The following KITLG variants were observed in gnomAD, a reference collection of about 807,000 sequenced individuals.
The protein encoded by KITLG is c-Kit ligand.
KITLG carries 13 observed loss-of-function variants against 34.1 expected under a neutral mutation model. The ratio of observed to expected loss-of-function variants is 0.38; its 90% CI spans 0.25 to 0.61. KITLG has a LOEUF of 0.61. KITLG is among the 20% of genes least tolerant of loss of function. KITLG has a pLI of 0.60. For missense variants in KITLG, 292 were observed against 318.9 expected (o/e 0.92, Z 0.64); for synonymous variants, 110 against 104.0 (o/e 1.06, Z -0.35).
At chr12:88,571,765 T>C (rs1360596339) in intron 1 of KITLG, among the ~76,000 whole-genome samples, 1 of 152,192 alleles carries the variant, frequency 6.6e-6, no homozygotes, top group Non-Finnish European at 1.5e-5. Context: ...TTTTTGAACA[T>C]CTGAGTTGCA....
intron 2 of KITLG, among the ~76,000 whole-genome samples, chr12:88,541,783 C>T (rs181640391): frequency 2.0e-5 from 3 of 152,066 alleles, no homozygotes; most frequent in East Asian, 1.9e-4. Context: ...CCACGGGGAC[C>T]GTGGGGGCAG....
intron 9 of KITLG, among the ~76,000 whole-genome samples, chr12:88,504,750 C>G (rs545729571): frequency 6.6e-6 from 1 of 152,274 alleles, no homozygotes; most frequent in South Asian, 2.1e-4. Context: ...TTGACCCAGG[C>G]ATCCCATTAC....
intron 2 of KITLG, among the ~76,000 whole-genome samples, chr12:88,533,649 G>A (rs763221245): frequency 5.9e-5 from 9 of 152,084 alleles, no homozygotes; most frequent in Non-Finnish European, 2.9e-5. Context: ...ATCTTCAAGG[G>A]TCTATCTTGC....
At chr12:88,503,860 AC>A (rs1197155629) in intron 9 of KITLG, among the ~76,000 whole-genome samples, 2 of 151,788 alleles carry the variant, frequency 1.3e-5, no homozygotes, top group African/African-American at 4.8e-5. Flanking sequence ...GGAAAATCTT[AC>A]TCTCCTGACT....
At chr12:88,568,975 C>G (rs1311529415) in intron 1 of KITLG, among the ~76,000 whole-genome samples, 9 of 152,066 alleles carry the variant, frequency 5.9e-5, no homozygotes. Context: ...GAGTCAAGAG[C>G]CAGAGGTAAA....
At chr12:88,573,963 T>C (rs972761530) in intron 1 of KITLG, among the ~76,000 whole-genome samples, 4 of 152,150 alleles carry the variant, frequency 2.6e-5, no homozygotes, top group South Asian at 2.1e-4. Flanking sequence ...AATTTACCCA[T>C]GTTCTAATCA....
chr12:88,503,582 G>T (rs1868944465), intron 9 of KITLG, among the ~76,000 whole-genome samples: 1 of 152,200 alleles, frequency 6.6e-6, no homozygotes, highest in Admixed American at 6.5e-5. Context: ...GTGAGGGACA[G>T]CATGAATCAA....
chr12:88,565,638 C>T (rs1871420353), intron 1 of KITLG, among the ~76,000 whole-genome samples: 1 of 152,034 alleles, frequency 6.6e-6, no homozygotes, highest in African/African-American at 2.4e-5. Flanking sequence ...AACAAAGAAA[C>T]AAACAAACAA....
intron 1 of KITLG, among the ~76,000 whole-genome samples, chr12:88,555,603 T>C (rs1407506814): frequency 6.6e-6 from 1 of 152,170 alleles, no homozygotes; most frequent in Non-Finnish European, 1.5e-5. Context: ...CAGTTTCAAA[T>C]TGAAATTACA....
At chr12:88,533,736 G>A (rs938279475) in intron 2 of KITLG, among the ~76,000 whole-genome samples, 30 of 152,098 alleles carry the variant, frequency 2.0e-4, no homozygotes, top group Non-Finnish European at 3.7e-4. Flanking sequence ...TCATGTGCAT[G>A]TTTGCTAGAC....
chr12:88,549,184 G>A (rs1870814134), intron 1 of KITLG, among the ~76,000 whole-genome samples: 1 of 152,162 alleles, frequency 6.6e-6, no homozygotes, highest in Non-Finnish European at 1.5e-5. Context: ...AGAGACAATG[G>A]AGAGGACAGC....
intron 3 of KITLG, among the ~76,000 whole-genome samples, chr12:88,520,028 G>A (rs996503096): frequency 4.6e-5 from 7 of 152,142 alleles, no homozygotes; most frequent in Non-Finnish European, 7.4e-5. Context: ...AGGTTTATCT[G>A]CAGATAGGTA....
At position 88,497,172 on chromosome 12, in the gene KITLG, T is replaced by G; in HGVS notation, c.*47A>C. ...CTTCATTTATGAAGCAAACATGAAC[T>G]GTTACCAGCCTAGAAAGGAAGGAAG... On this transcript the variant is annotated 3_prime_UTR_variant, in exon 10 of 10. Coordinates refer to ENST00000644744, the MANE Select transcript of KITLG (RefSeq NM_000899.5). The G allele has an allele frequency of 2.2e-6, 1 of 448,862 alleles. No individual in the cohort carries two copies. Among genetic ancestry groups the G allele is most frequent in the Non-Finnish European group, 4.5e-6 (1 of 223,398 alleles). The allele number at this position is 448,862 out of a possible 1,614,324, so 27.8% of individuals were successfully genotyped here.
intron 1 of KITLG, among the ~76,000 whole-genome samples, chr12:88,559,829 T>A (rs1566034361): frequency 6.6e-6 from 1 of 152,180 alleles, no homozygotes. Flanking sequence ...TGGGACAAGT[T>A]CCTCTGGTAA....
intron 1 of KITLG, among the ~76,000 whole-genome samples, chr12:88,565,489 G>C (rs1402509028): frequency 6.6e-6 from 1 of 152,112 alleles, no homozygotes; most frequent in Non-Finnish European, 1.5e-5. Context: ...GCCGGGAGTG[G>C]TGGCACGTGC....
At chr12:88,519,267 A>G (rs1194399122) in intron 3 of KITLG, among the ~76,000 whole-genome samples, 2 of 152,106 alleles carry the variant, frequency 1.3e-5, no homozygotes, top group Non-Finnish European at 2.9e-5. Context: ...AGGAGGGACT[A>G]TTGTAATAGG....
At chr12:88,532,958 C>A (rs775026209) in intron 2 of KITLG, among the ~76,000 whole-genome samples, 6 of 152,092 alleles carry the variant, frequency 3.9e-5, no homozygotes, top group Non-Finnish European at 7.4e-5. Flanking sequence ...TCAGGCCATA[C>A]CAGAGCTACT....
At chr12:88,497,218 T>C (rs759579717) in intron 9 of KITLG, 37 bp from the exon 10 acceptor site, 10 of 384,914 alleles carry the variant, frequency 2.6e-5, no homozygotes, top group South Asian at 1.7e-4. Context: ...TTATGGTGTA[T>C]CTGCCTTCTG....
chr12:88,561,001 A>G (rs573719269), intron 1 of KITLG, among the ~76,000 whole-genome samples: 1 of 150,682 alleles, frequency 6.6e-6, no homozygotes, highest in East Asian at 1.9e-4. Context: ...AAAGAAAGAA[A>G]GAAAGAAAAC....
Sources: allele counts gnomAD v4.1 joint callset (sites outside exome capture counted in the v4.1 genomes callset), GRCh38; gene constraint gnomAD v4.1.1; transcripts MANE v1.5; gene names NCBI Gene and HGNC (gene_info 2026-07-23, HGNC 2026-07-21).